LCA5: variants seen among roughly 807,000 people sequenced by gnomAD.
The protein encoded by LCA5 is lebercilin.
A neutral mutation model predicts 53.0 loss-of-function variants in LCA5; 37 were observed. The ratio of observed to expected loss-of-function variants is 0.70; its 90% CI spans 0.54 to 0.92. The LOEUF (loss-of-function observed/expected upper bound fraction) is 0.92, where lower values mean the gene tolerates loss of function less well. Among genes scored for constraint, LCA5 ranks in the 40% least tolerant of loss-of-function variants. LCA5 has a pLI of 0.00. For missense variants in LCA5, 806 were observed against 790.5 expected, an observed-to-expected ratio of 1.02 and a Z score of -0.23; for synonymous variants, 303 against 282.9, an observed-to-expected ratio of 1.07 and a Z score of -0.71.
upstream of LCA5, among the ~76,000 whole-genome samples, chr6:79,537,653 G>C (rs1239213502): frequency 6.6e-6 from 1 of 152,210 alleles, no homozygotes. Flanking sequence ...GGGCTGTGCG[G>C]TGCCAGGGCT....
intron 3 of LCA5, among the ~76,000 whole-genome samples, chr6:79,500,294 T>C (rs1770102031): frequency 6.6e-6 from 1 of 152,218 alleles, no homozygotes; most frequent in African/African-American, 2.4e-5. Flanking sequence ...TTAACATTTT[T>C]TCCAAAGGAC....
intron 1 of LCA5, among the ~76,000 whole-genome samples, chr6:79,531,735 A>G (rs1288892742): frequency 1.3e-5 from 2 of 152,034 alleles, no homozygotes; most frequent in African/African-American, 2.4e-5. Context: ...CTTCCCTCCT[A>G]AAAACTCTCT....
chr6:79,514,268 T>C (rs548750052), intron 2 of LCA5, among the ~76,000 whole-genome samples: 8 of 152,156 alleles, frequency 5.3e-5, no homozygotes, highest in Non-Finnish European at 1.2e-4. Flanking sequence ...TTTTGAAAAG[T>C]GTCTGTTATG....
intron 1 of LCA5, among the ~76,000 whole-genome samples, chr6:79,529,421 A>G (rs1337670869): frequency 6.6e-6 from 1 of 152,198 alleles, no homozygotes; most frequent in African/African-American, 2.4e-5. Context: ...TCATGCACCT[A>G]GAGGGTCACA....
At position 79,486,941 on chromosome 6, in the gene LCA5, T is replaced by C. The variant is rs1363417392; in HGVS notation, c.*63A>G. The C allele has an allele frequency of 1.2e-5, 16 of 1,317,070 alleles. No individual in the cohort carries two copies. The highest frequency in any genetic ancestry group is 4.5e-5 in the African/African-American group (3 of 67,414). The allele number at this position is 1,317,070 out of a possible 1,614,324, so 81.6% of individuals were successfully genotyped here. On this transcript the variant is annotated 3_prime_UTR_variant, in exon 8 of 8. Transcript: ENST00000369846. The stretch of plus-strand genomic sequence containing the variant: ...TAGCATTAAAAAGTCTAAATGTTTA[T>C]AATAAATACTGTATTAAAATATTTC...
At position 79,491,702 on chromosome 6, in the gene LCA5, C is replaced by A. The variant is rs144780075; in HGVS notation, c.984G>T (p.Leu328=). ...NAACQSDFAD[L]CTKGVQTMED... The stretch of plus-strand genomic sequence containing the variant: ...CCATGGTTTGTACTCCTTTTGTACA[C>A]AGGTCTGCAAAATCACTCTGGCATG... Residue 328 remains leucine (L), a synonymous_variant, in exon 6 of 8, where the codon CTG becomes CTT. Transcript: ENST00000369846. 2 of 1,612,930 alleles carry A rather than the reference C, an allele frequency of 1.2e-6. No individual in the cohort carries two copies. Among genetic ancestry groups the A allele is most frequent in the Non-Finnish European group, 1.7e-6 (2 of 1,179,204 alleles).
rs1173838525 is a variant in LCA5 at position 79,492,617 on chromosome 6, T to C, written c.889A>G (p.Ile297Val). ...EKERELDIKNIYSNRLPKSSP... is the reference protein window; with the variant it reads ...EKERELDIKNVYSNRLPKSSP... ...GACTTTGGCAGACGATTAGAATATA[T>C]ATTTTTTATATCCAGTTCTCTCTCC... Residue 297 changes from isoleucine (I) to valine (V), a missense_variant, in exon 5 of 8, where the codon ATA (isoleucine) becomes GTA (valine). Ile to Val is a conservative substitution (Grantham distance 29). Transcript: ENST00000369846. 1.3e-6 allele frequency: 2 copies of C among 1,555,804 alleles called. No individual in the cohort carries two copies. Among genetic ancestry groups the C allele is most frequent in the Middle Eastern group, 1.7e-4 (1 of 5,872 alleles).
chr6:79,514,345 T>A (rs1436840981), intron 2 of LCA5, among the ~76,000 whole-genome samples: 2 of 152,052 alleles, frequency 1.3e-5, no homozygotes, highest in Non-Finnish European at 2.9e-5. Flanking sequence ...TGACTATTAT[T>A]AAAAAGTAAA....
At chr6:79,499,646 G>A (rs1770077176) in intron 3 of LCA5, among the ~76,000 whole-genome samples, 1 of 151,472 alleles carries the variant, frequency 6.6e-6, no homozygotes, top group African/African-American at 2.4e-5. Flanking sequence ...TCGGCTGGCA[G>A]GACTATGGAT....
intron 7 of LCA5, 56 bp from the exon 8 acceptor site, chr6:79,487,922 A>T (rs1300863634): frequency 2.3e-6 from 3 of 1,329,214 alleles, no homozygotes; most frequent in Non-Finnish European, 3.2e-6. Flanking sequence ...ATTTTTAAAT[A>T]GGAAAACTAT....
intron 1 of LCA5, among the ~76,000 whole-genome samples, chr6:79,524,378 G>C (rs1486313128): frequency 1.3e-5 from 2 of 152,148 alleles, no homozygotes; most frequent in African/African-American, 4.8e-5. Context: ...GTCCTTGCAT[G>C]CCTGAGAATG....
chr6:79,529,066 G>A (rs1766877013), intron 1 of LCA5, among the ~76,000 whole-genome samples: 1 of 152,146 alleles, frequency 6.6e-6, no homozygotes, highest in South Asian at 2.1e-4. Flanking sequence ...TCTCATAACT[G>A]TGGCAGGAGT....
At chr6:79,506,207 T>A (rs911269075) in intron 3 of LCA5, among the ~76,000 whole-genome samples, 2 of 152,190 alleles carry the variant, frequency 1.3e-5, no homozygotes, top group South Asian at 4.1e-4. Context: ...CTTAATAGTT[T>A]CTTTTTGTTT....
Position 79,491,606 on chromosome 6 carries a change from T to C in LCA5, c.1080A>G (p.Glu360=), listed in dbSNP as rs779447463. 11 of 1,613,100 alleles carry C rather than the reference T, an allele frequency of 6.8e-6. 1 individual carries two copies. In the South Asian group the frequency reaches 1.2e-4, roughly 18 times the overall value. ...AACTCACCAAAGTAAGATGTCCTGGTTCTTCCCATTTGTTTTCGTAACACA... is the reference window on the plus strand; with the variant it reads ...AACTCACCAAAGTAAGATGTCCTGGCTCTTCCCATTTGTTTTCGTAACACA... ...TIMCYENKWE[E]PGHLTLDLQS... Residue 360 remains glutamate (E), a synonymous_variant, in exon 6 of 8, where the codon GAA becomes GAG. Transcript: ENST00000369846.
At chr6:79,514,226 T>C (rs1424877974) in intron 2 of LCA5, among the ~76,000 whole-genome samples, 1 of 152,194 alleles carries the variant, frequency 6.6e-6, no homozygotes, top group African/African-American at 2.4e-5. Context: ...TTGAGCTTTT[T>C]TCATATGCTT....
At chr6:79,493,547 T>G in intron 4 of LCA5, 66 bp downstream of exon 4, 1 of 1,367,766 alleles carries the variant, frequency 7.3e-7, no homozygotes, top group East Asian at 2.3e-5. Flanking sequence ...TAACATTTAG[T>G]GTTTTAAAAT....
intron 1 of LCA5, among the ~76,000 whole-genome samples, chr6:79,535,558 A>C (rs1263213249): frequency 6.6e-6 from 1 of 152,132 alleles, no homozygotes; most frequent in African/African-American, 2.4e-5. Flanking sequence ...TTGGGCTTGC[A>C]AAATTAGGAG....
chr6:79,525,687 G>A (rs1374271110), intron 1 of LCA5, among the ~76,000 whole-genome samples: 1 of 152,224 alleles, frequency 6.6e-6, no homozygotes, highest in Admixed American at 6.5e-5. Flanking sequence ...TTCCTGCAAA[G>A]GCTCAGAGAT....
intron 1 of LCA5, among the ~76,000 whole-genome samples, chr6:79,536,566 C>CT (rs1406178364): frequency 6.6e-6 from 1 of 152,194 alleles, no homozygotes; most frequent in Non-Finnish European, 1.5e-5. Flanking sequence ...CAAAAAGGCA[C>CT]TTTCTTTTTT....
Sources: allele counts gnomAD v4.1 joint callset (sites outside exome capture counted in the v4.1 genomes callset), GRCh38; gene constraint gnomAD v4.1.1; transcripts MANE v1.5; gene names NCBI Gene and HGNC (gene_info 2026-07-23, HGNC 2026-07-21).